MALRD1: variants seen among roughly 807,000 people sequenced by gnomAD.
MALRD1 encodes MAM and LDL receptor class A domain containing 1.
Under a neutral mutation model 242.1 loss-of-function variants are expected in MALRD1, and 247 were observed. The observed-to-expected ratio is 1.02, with a 90% confidence interval of 0.92 to 1.13. The LOEUF is 1.13. Ranked by LOEUF, MALRD1 falls within the 50% of genes most tolerant of loss-of-function variation. MALRD1 has a pLI of 0.00. For missense variants in MALRD1, 2,989 were observed against 2,533.1 expected, an observed-to-expected ratio of 1.18 and a Z score of -3.86; for synonymous variants, 995 against 866.6, an observed-to-expected ratio of 1.15 and a Z score of -2.60.
Position 19,051,259 on chromosome 10 carries a change from A to G in MALRD1, c.199+2122A>G, listed in dbSNP as rs188792840. 3.5e-4 allele frequency among the ~76,000 whole-genome samples: 53 copies of G among 152,034 alleles called. No individual in the cohort carries two copies. The East Asian group carries it at 0.01, about 29-fold the overall frequency. On this transcript the variant is annotated intron_variant, in intron 1 of 39. Transcript: ENST00000454679. ...AACTTATAGATTAGATTTTTTTAAA[A>G]CTAGCTTTATAAGGATTTACAGTAG...
intron 26 of MALRD1, among the ~76,000 whole-genome samples, chr10:19,369,539 A>G (rs1305351945): frequency 1.3e-5 from 2 of 149,216 alleles, no homozygotes; most frequent in East Asian, 3.9e-4. Context: ...TAAATACACA[A>G]ATATTTAAAT....
At chr10:19,480,413 G>T (rs896189947) in intron 29 of MALRD1, among the ~76,000 whole-genome samples, 1 of 152,164 alleles carries the variant, frequency 6.6e-6, no homozygotes, top group Non-Finnish European at 1.5e-5. Context: ...TTTTCTAGCA[G>T]TTGAAAGTCT....
At chr10:19,114,632 G>A (rs569731105) in intron 5 of MALRD1, among the ~76,000 whole-genome samples, 11 of 152,026 alleles carry the variant, frequency 7.2e-5, no homozygotes, top group Non-Finnish European at 1.6e-4. Context: ...AAAAAAAAAT[G>A]ATATTTAGAT....
intron 12 of MALRD1, among the ~76,000 whole-genome samples, chr10:19,156,906 T>A (rs1588625501): frequency 6.6e-6 from 1 of 152,102 alleles, no homozygotes; most frequent in African/African-American, 2.4e-5. Context: ...GTCATGGACA[T>A]TTTGGGTGCT....
chr10:19,558,977 G>T (rs998102937), intron 32 of MALRD1, among the ~76,000 whole-genome samples: 2 of 151,728 alleles, frequency 1.3e-5, no homozygotes, highest in Admixed American at 6.6e-5. Flanking sequence ...TGAGGTTAGG[G>T]ATTCGAGACC....
intron 36 of MALRD1, among the ~76,000 whole-genome samples, chr10:19,648,868 A>C (rs569328049): frequency 2.1e-4 from 32 of 152,232 alleles, no homozygotes; most frequent in Non-Finnish European, 3.4e-4. Flanking sequence ...CCCAATAGTT[A>C]TCTTTCCTGC....
chr10:19,381,207 A>G (rs1349442071), intron 26 of MALRD1, among the ~76,000 whole-genome samples: 2 of 150,630 alleles, frequency 1.3e-5, no homozygotes, highest in East Asian at 2.0e-4. Context: ...ATGATTTCCA[A>G]TTTCATCCAT....
chr10:19,713,898 T>G (rs1321382443), intron 38 of MALRD1, among the ~76,000 whole-genome samples: 2 of 152,236 alleles, frequency 1.3e-5, no homozygotes, highest in African/African-American at 2.4e-5. Context: ...AGTCCCTTTA[T>G]TGCTCTTGCA....
intron 29 of MALRD1, among the ~76,000 whole-genome samples, chr10:19,455,569 T>G (rs75142624): frequency 6.6e-6 from 1 of 152,180 alleles, no homozygotes; most frequent in Non-Finnish European, 1.5e-5. Flanking sequence ...AAAGTTCTTA[T>G]GAGGATTAAA....
At chr10:19,066,969 T>A in intron 2 of MALRD1, 110 bp downstream of exon 2, 1 of 768,970 alleles carries the variant, frequency 1.3e-6, no homozygotes, top group Middle Eastern at 2.6e-4. Context: ...CCCCACCACA[T>A]GTTTAATTAG....
At chr10:19,368,808 CT>C (rs1845223279) in intron 26 of MALRD1, among the ~76,000 whole-genome samples, 1 of 149,712 alleles carries the variant, frequency 6.7e-6, no homozygotes, top group African/African-American at 2.5e-5. Flanking sequence ...TGGTGTTTTC[CT>C]CGTAGACTTC....
chr10:19,586,444 G>A (rs574838919), intron 33 of MALRD1, among the ~76,000 whole-genome samples: 139 of 152,088 alleles, frequency 9.1e-4, no homozygotes, highest in South Asian at 2.9e-3. Flanking sequence ...TCCTTCTAAC[G>A]GACAGGACCC....
At chr10:19,325,555 G>A (rs548590816) in intron 22 of MALRD1, among the ~76,000 whole-genome samples, 4 of 151,974 alleles carry the variant, frequency 2.6e-5, no homozygotes, top group African/African-American at 4.8e-5. Flanking sequence ...AGTAATATGC[G>A]TAGACACCTC....
At chr10:19,575,113 A>C (rs993490412) in intron 33 of MALRD1, among the ~76,000 whole-genome samples, 1 of 152,204 alleles carries the variant, frequency 6.6e-6, no homozygotes, top group African/African-American at 2.4e-5. Context: ...GTTTGTCCTT[A>C]AACAACATGG....
intron 33 of MALRD1, among the ~76,000 whole-genome samples, chr10:19,589,659 T>C (rs991504536): frequency 6.6e-6 from 1 of 152,182 alleles, no homozygotes; most frequent in African/African-American, 2.4e-5. Context: ...CTAAGATATA[T>C]AATGAGTCAT....
intron 5 of MALRD1, among the ~76,000 whole-genome samples, chr10:19,109,523 T>G (rs1836601211): frequency 6.6e-6 from 1 of 152,152 alleles, no homozygotes; most frequent in South Asian, 2.1e-4. Flanking sequence ...GCAGTACCAC[T>G]AGGTATAGGC....
At chr10:19,603,451 C>A (rs1012753155) in intron 34 of MALRD1, among the ~76,000 whole-genome samples, 29 of 152,148 alleles carry the variant, frequency 1.9e-4, no homozygotes, top group Admixed American at 3.9e-4. Flanking sequence ...TAAATAGGGA[C>A]TCCTTTCCTC....
chr10:19,247,859 T>C (rs575097473), intron 18 of MALRD1, among the ~76,000 whole-genome samples: 2 of 152,168 alleles, frequency 1.3e-5, no homozygotes, highest in African/African-American at 4.8e-5. Context: ...AAATTTAACA[T>C]AATTTAATTG....
intron 33 of MALRD1, among the ~76,000 whole-genome samples, chr10:19,569,732 C>T (rs1039215258): frequency 1.2e-4 from 17 of 146,084 alleles, no homozygotes; most frequent in Admixed American, 5.5e-4. Context: ...TATATATTAA[C>T]ATGCAGTCCA....
Sources: allele counts gnomAD v4.1 joint callset (sites outside exome capture counted in the v4.1 genomes callset), GRCh38; gene constraint gnomAD v4.1.1; transcripts MANE v1.5; gene names NCBI Gene and HGNC (gene_info 2026-07-23, HGNC 2026-07-21).